RGS6: variants seen among roughly 807,000 people sequenced by gnomAD.
The protein encoded by RGS6 is regulator of G protein signaling 6, also known as regulator of G-protein signaling 6.
In RGS6, 30 loss-of-function variants were observed where a neutral mutation model predicts 78.5. The observed-to-expected ratio is 0.38, with a 90% CI of 0.29 to 0.52. The LOEUF is 0.52. Ranked by LOEUF, RGS6 falls within the 20% of genes least tolerant of loss-of-function variation. The pLI is 0.85. For missense variants in RGS6, 495 were observed against 609.7 expected (o/e 0.81, Z 1.98); for synonymous variants, 206 against 206.0 (o/e 1.00, Z 0.00).
chr14:72,065,327 A>T (rs985753587), intron 2 of RGS6, among the ~76,000 whole-genome samples: 2 of 152,210 alleles, frequency 1.3e-5, no homozygotes, highest in Admixed American at 1.3e-4. Context: ...TTACAGGCCA[A>T]AGTTTGTGGA....
At chr14:72,276,090 CATAA>C (rs977843332) in intron 2 of RGS6, among the ~76,000 whole-genome samples, 3 of 152,100 alleles carry the variant, frequency 2.0e-5, no homozygotes, top group African/African-American at 7.2e-5. Flanking sequence ...CATGTCTGCC[CATAA>C]ATAAACATGG....
chr14:72,442,392 C>T (rs2095237051), intron 3 of RGS6, among the ~76,000 whole-genome samples: 1 of 152,062 alleles, frequency 6.6e-6, no homozygotes, highest in South Asian at 2.1e-4. Flanking sequence ...CACTGTTTCC[C>T]ATTGATCCCA....
At chr14:72,147,011 A>G (rs1270160748) in intron 2 of RGS6, among the ~76,000 whole-genome samples, 1 of 152,186 alleles carries the variant, frequency 6.6e-6, no homozygotes, top group East Asian at 1.9e-4. Flanking sequence ...TTTCCAATAC[A>G]CTGTTCCTCA....
chr14:72,529,558 A>G (rs140078920), intron 15 of RGS6, among the ~76,000 whole-genome samples: 1 of 152,222 alleles, frequency 6.6e-6, no homozygotes, highest in Non-Finnish European at 1.5e-5. Flanking sequence ...GCCTCCTGAG[A>G]GTGGACAACC....
At chr14:72,282,189 G>C (rs1488280814) in intron 2 of RGS6, among the ~76,000 whole-genome samples, 1 of 152,180 alleles carries the variant, frequency 6.6e-6, no homozygotes, top group Non-Finnish European at 1.5e-5. Flanking sequence ...AGTTGTGGCA[G>C]CCGTGAGAGA....
intron 14 of RGS6, among the ~76,000 whole-genome samples, chr14:72,515,191 G>A: frequency 6.6e-6 from 1 of 152,022 alleles, no homozygotes; most frequent in East Asian, 1.9e-4. Flanking sequence ...CTGCTGTCTA[G>A]GGAATGTTAC....
chr14:71,878,686 C>T, the RGS6 span, among the ~76,000 whole-genome samples: 4 of 152,196 alleles, frequency 2.6e-5, no homozygotes, highest in Non-Finnish European at 5.9e-5. Context: ...GCTGCACCCA[C>T]TGTCCTGCAC....
In RGS6 at chr14:72,562,730, C is replaced by T. The variant is rs958447203; in HGVS notation, c.*263C>T. The T allele has an allele frequency of 1.3e-6, 2 of 1,536,022 alleles. No individual in the cohort carries two copies. Among genetic ancestry groups the T allele is most frequent in the Non-Finnish European group, 8.7e-7 (1 of 1,146,896 alleles). On this transcript the variant is annotated 3_prime_UTR_variant, in exon 18 of 18. Transcript: ENST00000553525. The stretch of plus-strand genomic sequence containing the variant: ...CTTTGTACAGTTGTATTCCAACACT[C>T]CACTCGCTAAGAGGCCCTGATCCCA...
intron 2 of RGS6, among the ~76,000 whole-genome samples, chr14:71,993,851 G>C (rs1566977887): frequency 6.6e-6 from 1 of 152,130 alleles, no homozygotes; most frequent in Non-Finnish European, 1.5e-5. Flanking sequence ...AAGAGCACGA[G>C]GGGGTAGCTG....
chr14:72,512,071 T>A (rs1423118923), intron 14 of RGS6, among the ~76,000 whole-genome samples: 1 of 152,114 alleles, frequency 6.6e-6, no homozygotes, highest in Non-Finnish European at 1.5e-5. Flanking sequence ...ACCCCCTCCA[T>A]GGTCCCTATG....
intron 2 of RGS6, among the ~76,000 whole-genome samples, chr14:72,114,123 T>C (rs994003918): frequency 6.6e-6 from 1 of 152,216 alleles, no homozygotes; most frequent in Admixed American, 6.5e-5. Context: ...TTCTCATCTT[T>C]TCACAGCTTT....
chr14:72,063,231 G>T (rs2153439471), intron 2 of RGS6, among the ~76,000 whole-genome samples: 1 of 152,290 alleles, frequency 6.6e-6, no homozygotes, highest in Non-Finnish European at 1.5e-5. Flanking sequence ...AGAGGAACCA[G>T]TAAAGGGGAC....
At chr14:71,987,919 C>T (rs148905579) in intron 2 of RGS6, among the ~76,000 whole-genome samples, 1 of 122,010 alleles carries the variant, frequency 8.2e-6, no homozygotes. Context: ...ACTTTATGTG[C>T]TTTTTTCAAA....
chr14:72,192,172 T>C (rs1455660435), intron 2 of RGS6, among the ~76,000 whole-genome samples: 2 of 152,234 alleles, frequency 1.3e-5, no homozygotes, highest in Non-Finnish European at 2.9e-5. Flanking sequence ...GATATGCTTC[T>C]GGTATAATTT....
intron 12 of RGS6, among the ~76,000 whole-genome samples, chr14:72,479,986 G>A (rs1205995495): frequency 6.6e-6 from 1 of 152,176 alleles, no homozygotes; most frequent in African/African-American, 2.4e-5. Context: ...GCGTATATAT[G>A]GGAGCATCTG....
intron 2 of RGS6, among the ~76,000 whole-genome samples, chr14:72,300,446 C>G (rs1372688708): frequency 1.3e-5 from 2 of 152,164 alleles, no homozygotes; most frequent in Non-Finnish European, 2.9e-5. Flanking sequence ...TACCTGCAGA[C>G]CTGATTATTC....
chr14:71,988,300 A>G (rs1436301177), intron 2 of RGS6, among the ~76,000 whole-genome samples: 2 of 152,138 alleles, frequency 1.3e-5, no homozygotes, highest in African/African-American at 2.4e-5. Context: ...AGTTGAAACA[A>G]AAGTCTCCTA....
chr14:72,590,952 C>A, the RGS6 span, among the ~76,000 whole-genome samples: 20 of 152,164 alleles, frequency 1.3e-4, no homozygotes, highest in Admixed American at 1.3e-3. Context: ...TTAGCTATAC[C>A]ATTTTTATTT....
chr14:72,575,069 C>T, the RGS6 span, among the ~76,000 whole-genome samples: 2 of 152,176 alleles, frequency 1.3e-5, no homozygotes, highest in Middle Eastern at 6.8e-3. Flanking sequence ...CAGTAGATAC[C>T]AGAGCTGCTT....
Sources: allele counts gnomAD v4.1 joint callset (sites outside exome capture counted in the v4.1 genomes callset), GRCh38; gene constraint gnomAD v4.1.1; transcripts MANE v1.5; gene names NCBI Gene and HGNC (gene_info 2026-07-23, HGNC 2026-07-21).